The following C1orf21 variants were observed in gnomAD, a reference collection of about 807,000 sequenced individuals.
The protein encoded by C1orf21 is chromosome 1 open reading frame 21, also known as uncharacterized protein C1orf21.
A neutral mutation model predicts 18.7 loss-of-function variants in C1orf21; 3 were observed. The observed-to-expected ratio is 0.16, with a 90% CI of 0.07 to 0.42. The LOEUF (loss-of-function observed/expected upper bound fraction) is 0.42, where lower values mean the gene tolerates loss of function less well. Among genes scored for constraint, C1orf21 ranks in the 10% least tolerant of loss-of-function variants. The pLI, the probability that C1orf21 is intolerant of heterozygous loss-of-function variation, is 0.99. For missense variants in C1orf21, 104 were observed against 143.6 expected, an observed-to-expected ratio of 0.72 and a Z score of 1.41; for synonymous variants, 41 against 46.4, an observed-to-expected ratio of 0.88 and a Z score of 0.47.
At chr1:184,488,337 TA>T (rs1657764029) in intron 2 of C1orf21, among the ~76,000 whole-genome samples, 1 of 152,304 alleles carries the variant, frequency 6.6e-6, no homozygotes, top group African/African-American at 2.4e-5. Flanking sequence ...GGTTAACAAA[TA>T]CATTTTTTGC....
intron 3 of C1orf21, among the ~76,000 whole-genome samples, chr1:184,562,070 A>G (rs565001645): frequency 1.3e-5 from 2 of 152,134 alleles, no homozygotes; most frequent in East Asian, 3.9e-4. Context: ...CTGCAAAAGG[A>G]CCTATGTGTT....
intron 1 of C1orf21, among the ~76,000 whole-genome samples, chr1:184,451,682 G>A (rs944117438): frequency 6.6e-6 from 1 of 152,040 alleles, no homozygotes; most frequent in Non-Finnish European, 1.5e-5. Flanking sequence ...TCTACACACA[G>A]ACACGTTTCT....
intron 3 of C1orf21, among the ~76,000 whole-genome samples, chr1:184,515,325 A>G (rs982187684): frequency 6.6e-6 from 1 of 152,222 alleles, no homozygotes; most frequent in Non-Finnish European, 1.5e-5. Flanking sequence ...GGAGATAACA[A>G]TAATAAAAGT....
chr1:184,399,356 ATTT>A (rs59376994), intron 1 of C1orf21, among the ~76,000 whole-genome samples: 1,063 of 79,136 alleles, frequency 0.013, 13 homozygotes, highest in African/African-American at 0.04. Context: ...ATGTACTTCT[ATTT>A]TTTTTTTTTT....
In C1orf21 at chr1:184,606,053, C is replaced by T. The variant is rs567009677; in HGVS notation, c.327+7592C>T. ...TCGCACAGTTTCCAGTGTATTCATC[C>T]ACCTCCCTCCTATGTGGTGTAATAA... is the stretch of plus-strand genomic sequence containing the variant. On this transcript the variant is annotated intron_variant, in intron 5 of 5. Coordinates refer to ENST00000235307, the MANE Select transcript of C1orf21 (RefSeq NM_030806.4). Among the ~76,000 whole-genome samples the T allele has an allele frequency of 1.2e-3, 179 of 152,270 alleles. 1 individual carries two copies. The highest frequency in any genetic ancestry group is 3.4e-3 in the Middle Eastern group (1 of 294).
At chr1:184,491,019 G>A (rs1304134264) in intron 2 of C1orf21, among the ~76,000 whole-genome samples, 1 of 151,980 alleles carries the variant, frequency 6.6e-6, no homozygotes, top group Non-Finnish European at 1.5e-5. Context: ...TATTAATTTG[G>A]GAACCAAACT....
intron 2 of C1orf21, among the ~76,000 whole-genome samples, chr1:184,500,926 C>T (rs1657966872): frequency 6.6e-6 from 1 of 152,152 alleles, no homozygotes; most frequent in South Asian, 2.1e-4. Context: ...ACCCTTCTTC[C>T]CTCTTGAGAC....
intron 4 of C1orf21, among the ~76,000 whole-genome samples, chr1:184,592,574 G>A (rs1659454342): frequency 6.6e-6 from 1 of 152,146 alleles, no homozygotes; most frequent in Admixed American, 6.5e-5. Flanking sequence ...TCACCTAAAT[G>A]GAGACAAATT....
intron 3 of C1orf21, among the ~76,000 whole-genome samples, chr1:184,516,837 C>T (rs1299044034): frequency 7.9e-5 from 12 of 152,138 alleles, no homozygotes; most frequent in Non-Finnish European, 1.6e-4. Flanking sequence ...TATTAACATC[C>T]AGCTGCAGAA....
At chr1:184,470,349 A>G (rs751493165) in intron 1 of C1orf21, among the ~76,000 whole-genome samples, 11 of 150,778 alleles carry the variant, frequency 7.3e-5, no homozygotes, top group Non-Finnish European at 8.9e-5. Flanking sequence ...TTATCTACTT[A>G]GATTTTCAAA....
At chr1:184,527,331 T>G (rs1658392471) in intron 3 of C1orf21, among the ~76,000 whole-genome samples, 1 of 152,200 alleles carries the variant, frequency 6.6e-6, no homozygotes, top group South Asian at 2.1e-4. Context: ...TCTTTGCTTT[T>G]GTGAAATTCA....
intron 3 of C1orf21, among the ~76,000 whole-genome samples, chr1:184,514,579 A>T (rs1267852152): frequency 6.6e-6 from 1 of 152,174 alleles, no homozygotes; most frequent in African/African-American, 2.4e-5. Flanking sequence ...GGATAGTTTA[A>T]CAACATCTGT....
intron 1 of C1orf21, among the ~76,000 whole-genome samples, chr1:184,403,178 T>C (rs189714537): frequency 1.5e-4 from 23 of 152,352 alleles, no homozygotes; most frequent in African/African-American, 5.3e-4. Flanking sequence ...TTGATAATAC[T>C]GAAACCCTGC....
chr1:184,555,751 G>C (rs759847855), intron 3 of C1orf21, among the ~76,000 whole-genome samples: 4 of 152,104 alleles, frequency 2.6e-5, no homozygotes, highest in Non-Finnish European at 5.9e-5. Flanking sequence ...CAGAAGTTCC[G>C]AGTGAGGAAG....
chr1:184,534,155 A>G (rs1000576137), intron 3 of C1orf21, among the ~76,000 whole-genome samples: 3 of 152,142 alleles, frequency 2.0e-5, no homozygotes, highest in African/African-American at 7.2e-5. Context: ...TGCATAGTTT[A>G]TAGAGTGCTT....
chr1:184,539,988 G>A (rs1458746248), intron 3 of C1orf21: 2 of 152,202 alleles, frequency 1.3e-5, no homozygotes, highest in Non-Finnish European at 1.5e-5. Flanking sequence ...ATGTACCCAC[G>A]AGTGAGAAAT....
intron 1 of C1orf21, among the ~76,000 whole-genome samples, chr1:184,423,492 A>C (rs1656581559): frequency 6.6e-6 from 1 of 152,192 alleles, no homozygotes; most frequent in Non-Finnish European, 1.5e-5. Context: ...AGATTTTTTG[A>C]GTAGGAGGGT....
intron 3 of C1orf21, among the ~76,000 whole-genome samples, chr1:184,546,526 C>G (rs530977218): frequency 6.6e-6 from 1 of 152,330 alleles, no homozygotes; most frequent in Non-Finnish European, 1.5e-5. Context: ...GCCATGGTTA[C>G]TGCCCTAATG....
chr1:184,502,315 T>G (rs949348573), intron 2 of C1orf21, among the ~76,000 whole-genome samples: 5 of 152,180 alleles, frequency 3.3e-5, no homozygotes, highest in African/African-American at 1.2e-4. Context: ...GCAAGGCCTT[T>G]TACAAGGGGC....
Sources: gnomAD v4.1 joint callset for allele counts (sites outside exome capture counted in the v4.1 genomes callset) on GRCh38, gnomAD v4.1.1 for gene constraint, MANE v1.5 for transcripts, NCBI Gene and HGNC (gene_info 2026-07-23, HGNC 2026-07-21) for gene names.